The following DENND5B variants were observed in gnomAD, a reference collection of about 807,000 sequenced individuals.
DENND5B encodes the protein DENN domain-containing protein 5B.
In DENND5B, 34 loss-of-function variants were observed where a neutral mutation model predicts 140.6. The observed-to-expected ratio is 0.24, with a 90% CI of 0.18 to 0.32. The LOEUF (loss-of-function observed/expected upper bound fraction) is 0.32, where lower values mean the gene tolerates loss of function less well. Among genes scored for constraint, DENND5B ranks in the 10% least tolerant of loss-of-function variants. The probability of loss-of-function intolerance (pLI) is 1.00; values close to 1 mark genes in which losing one functional copy is unlikely to be tolerated. For missense variants in DENND5B, 1,142 were observed against 1,560.2 expected (o/e 0.73, Z 4.52); for synonymous variants, 551 against 562.1 (o/e 0.98, Z 0.28).
rs771580509 is a variant in DENND5B at position 31,452,082 on chromosome 12, T to C, written c.1487A>G (p.Tyr496Cys). The stretch of plus-strand genomic sequence containing the variant: ...CTCTCGGAGCTGTACATTGAGCTGG[T>C]AGTCCCTTAGTTCTGCCTCTTCACA... ...LHCEEAELRDYQLNVQLREVF... is the reference protein window; with the variant it reads ...LHCEEAELRDCQLNVQLREVF... Residue 496 changes from tyrosine (Y) to cysteine (C), a missense_variant, in exon 5 of 21, where the codon TAC becomes TGC. Transcript: ENST00000389082. 7 of 1,614,014 alleles carry C rather than the reference T, an allele frequency of 4.3e-6. No homozygotes were observed. The South Asian group carries it at 5.5e-5, about 13-fold the overall frequency.
chr12:31,428,342 C>CA lies in DENND5B; in HGVS notation c.2107-1919dup, dbSNP rs142549648. The stretch of plus-strand genomic sequence containing the variant: ...AGGTGACAAAAGCAAGACTCCATCT[C>CA]AAAAAAAAAAAAATGTTTGCAGCAG... On this transcript the variant is annotated intron_variant, in intron 8 of 20. Coordinates refer to ENST00000389082, the MANE Select transcript of DENND5B (RefSeq NM_144973.4). Among the ~76,000 whole-genome samples, 929 of 139,052 alleles carry CA rather than the reference C, an allele frequency of 6.7e-3. 7 individuals carry two copies. The highest frequency in any genetic ancestry group is 0.018 in the African/African-American group (670 of 36,916). The allele number at this position is 139,052 out of a possible 152,430, so 91.2% of individuals were successfully genotyped here.
intron 16 of DENND5B, among the ~76,000 whole-genome samples, chr12:31,399,445 A>AT (rs1017835166): frequency 6.6e-5 from 10 of 150,790 alleles, no homozygotes; most frequent in African/African-American, 1.5e-4. Context: ...TGCCCTGCTA[A>AT]TTTTTTTTTA....
chr12:31,483,749 T>C (rs813209), intron 2 of DENND5B, among the ~76,000 whole-genome samples: 1 of 152,124 alleles, frequency 6.6e-6, no homozygotes, highest in Non-Finnish European at 1.5e-5. Flanking sequence ...ATCATTTTAA[T>C]GGGCATTTCT....
At chr12:31,452,903 C>A (rs955563106) in intron 4 of DENND5B, among the ~76,000 whole-genome samples, 3 of 152,076 alleles carry the variant, frequency 2.0e-5, no homozygotes, top group Admixed American at 6.6e-5. Flanking sequence ...TTTAGGCATT[C>A]CTATGTGGGT....
chr12:31,554,461 G>C (rs1321643472), intron 1 of DENND5B, among the ~76,000 whole-genome samples: 1 of 152,008 alleles, frequency 6.6e-6, no homozygotes, highest in African/African-American at 2.4e-5. Flanking sequence ...TTCCCTTTGT[G>C]GGTAACCCGA....
intron 1 of DENND5B, among the ~76,000 whole-genome samples, chr12:31,515,558 C>G (rs1026508549): frequency 2.0e-5 from 3 of 152,064 alleles, no homozygotes; most frequent in Non-Finnish European, 4.4e-5. Flanking sequence ...TTAAGTTGTA[C>G]TTCTGTGAGA....
chr12:31,587,361 G>A (rs912874121), intron 1 of DENND5B, among the ~76,000 whole-genome samples: 1 of 151,954 alleles, frequency 6.6e-6, no homozygotes, highest in Non-Finnish European at 1.5e-5. Flanking sequence ...AAATCTTGGA[G>A]TCATCTTTGA....
chr12:31,590,479 C>G (rs1415484939), intron 1 of DENND5B: 3 of 463,988 alleles, frequency 6.5e-6, no homozygotes, highest in East Asian at 4.4e-5. Context: ...TATTAATAAC[C>G]CAGCGCCTGG....
intron 1 of DENND5B, among the ~76,000 whole-genome samples, chr12:31,559,205 A>G (rs1374993525): frequency 6.6e-6 from 1 of 152,234 alleles, no homozygotes; most frequent in Non-Finnish European, 1.5e-5. Flanking sequence ...AGTGGAGGAA[A>G]CGATGAACTC....
chr12:31,415,530 C>T (rs532576552), intron 11 of DENND5B, 82 bp from the exon 12 acceptor site: 8 of 1,129,908 alleles, frequency 7.1e-6, no homozygotes, highest in East Asian at 5.5e-5. Flanking sequence ...GAAACTGCTT[C>T]GATAAGAACA....
chr12:31,519,780 T>A (rs1415768440), intron 1 of DENND5B, among the ~76,000 whole-genome samples: 1 of 152,218 alleles, frequency 6.6e-6, no homozygotes, highest in Non-Finnish European at 1.5e-5. Flanking sequence ...AATTTTTTTA[T>A]AACAGCTTTA....
intron 8 of DENND5B, among the ~76,000 whole-genome samples, chr12:31,428,210 C>T (rs1326478551): frequency 6.6e-6 from 1 of 151,358 alleles, no homozygotes; most frequent in African/African-American, 2.4e-5. Flanking sequence ...AAAAATGTGG[C>T]GGGTGCCTGT....
chr12:31,522,926 T>C (rs554638973), intron 1 of DENND5B, among the ~76,000 whole-genome samples: 1 of 152,242 alleles, frequency 6.6e-6, no homozygotes, highest in South Asian at 2.1e-4. Flanking sequence ...AACTTTTGTG[T>C]TGTTTTCAGA....
chr12:31,573,552 T>C (rs1283824758), intron 1 of DENND5B, among the ~76,000 whole-genome samples: 1 of 152,274 alleles, frequency 6.6e-6, no homozygotes, highest in Admixed American at 6.5e-5. Flanking sequence ...GCTAAATTTT[T>C]ACTCTTGCTT....
chr12:31,410,666 A>G (rs933584403), intron 13 of DENND5B, among the ~76,000 whole-genome samples: 3 of 152,066 alleles, frequency 2.0e-5, no homozygotes, highest in African/African-American at 7.2e-5. Flanking sequence ...TGGCCTCTCA[A>G]AGTGCTGGGA....
intron 1 of DENND5B, chr12:31,541,039 T>TA (rs1948667501): frequency 2.9e-6 from 1 of 346,330 alleles, no homozygotes; most frequent in East Asian, 9.9e-5. Context: ...TCTCTTACCA[T>TA]ATAAAAAAAA....
chr12:31,441,220 T>C (rs1263879183), intron 7 of DENND5B, among the ~76,000 whole-genome samples: 1 of 152,120 alleles, frequency 6.6e-6, no homozygotes, highest in Non-Finnish European at 1.5e-5. Context: ...GGCATGTGCC[T>C]TTAGTTCCAG....
At chr12:31,516,583 A>G (rs1565656181) in intron 1 of DENND5B, among the ~76,000 whole-genome samples, 1 of 151,904 alleles carries the variant, frequency 6.6e-6, no homozygotes, top group Non-Finnish European at 1.5e-5. Flanking sequence ...CATTGATGAT[A>G]GCAGTCATTT....
At chr12:31,466,198 C>A (rs946999737) in intron 3 of DENND5B, among the ~76,000 whole-genome samples, 1 of 151,740 alleles carries the variant, frequency 6.6e-6, no homozygotes, top group Non-Finnish European at 1.5e-5. Flanking sequence ...ACTAAAAACA[C>A]AAAAATTAGT....
Sources: allele counts gnomAD v4.1 joint callset (sites outside exome capture counted in the v4.1 genomes callset), GRCh38; gene constraint gnomAD v4.1.1; transcripts MANE v1.5; gene names NCBI Gene and HGNC (gene_info 2026-07-23, HGNC 2026-07-21).